The following ALDH7A1 variants were observed in gnomAD, a reference collection of about 807,000 sequenced individuals.
ALDH7A1 encodes the protein aldehyde dehydrogenase 7 family member A1.
ALDH7A1 carries 63 observed loss-of-function variants against 79.9 expected under a neutral mutation model. The observed-to-expected ratio is 0.79, with a 90% CI of 0.64 to 0.97. The LOEUF (loss-of-function observed/expected upper bound fraction) is 0.97, where lower values mean the gene tolerates loss of function less well. ALDH7A1 is among the 50% of genes least tolerant of loss of function. The pLI is 0.00. For missense variants in ALDH7A1, 627 were observed against 665.2 expected, an observed-to-expected ratio of 0.94 and a Z score of 0.63; for synonymous variants, 240 against 231.2, an observed-to-expected ratio of 1.04 and a Z score of -0.34.
chr5:126,585,488 T>C (rs11952752), intron 3 of ALDH7A1, among the ~76,000 whole-genome samples: 2,144 of 152,316 alleles, frequency 0.014, 42 homozygotes, highest in African/African-American at 0.041. Flanking sequence ...AGTGTATCAC[T>C]GTCTCTTAGT....
At chr5:126,552,240 G>C in intron 13 of ALDH7A1, 103 bp from the exon 14 acceptor site, 1 of 804,384 alleles carries the variant, frequency 1.2e-6, no homozygotes, top group South Asian at 1.5e-5. Flanking sequence ...AAAAAAATTA[G>C]CATCATTTAT....
At position 126,555,931 on chromosome 5, in the gene ALDH7A1, G is replaced by C; in HGVS notation, c.1093C>G (p.Pro365Ala). The change falls in exon 12 of 18, where the codon CCT (proline) becomes GCT (alanine). Residue 365 changes from proline to alanine, a missense_variant and splice_region_variant. Transcript: ENST00000409134. The part of the protein sequence containing the change: ...AQIRVGNPWD[P>A]NVLYGPLHTK... ...TTTGAAAGCAGAAGGAGATACTCAC[G>C]GTCCCATGGGTTCCCAACTCGGATC... is the stretch of plus-strand genomic sequence containing the variant. 1 of 1,610,230 alleles carries C rather than the reference G, an allele frequency of 6.2e-7. No homozygotes were observed. Among genetic ancestry groups the C allele is most frequent in the Non-Finnish European group, 8.5e-7 (1 of 1,176,758 alleles).
intron 6 of ALDH7A1, among the ~76,000 whole-genome samples, chr5:126,575,867 A>C (rs1750946659): frequency 6.6e-6 from 1 of 152,240 alleles, no homozygotes; most frequent in South Asian, 2.1e-4. Flanking sequence ...GTTGGAAAAC[A>C]TGAGTTCCTT....
At chr5:126,568,715 G>T in intron 8 of ALDH7A1, 1 of 304,722 alleles carries the variant, frequency 3.3e-6, no homozygotes, top group South Asian at 3.3e-5. Context: ...TTCCTTTAAG[G>T]ATTAAAACTT....
At chr5:126,545,419 C>T (rs1310264758) in intron 17 of ALDH7A1, among the ~76,000 whole-genome samples, 1 of 151,798 alleles carries the variant, frequency 6.6e-6, no homozygotes, top group African/African-American at 2.4e-5. Flanking sequence ...TGCACCACCA[C>T]GCCTGGCTAA....
At chr5:126,574,229 T>C (rs1750885630) in intron 7 of ALDH7A1, among the ~76,000 whole-genome samples, 1 of 150,520 alleles carries the variant, frequency 6.6e-6, no homozygotes, top group African/African-American at 2.5e-5. Context: ...TGAAACCCCA[T>C]CTCTACTAAA....
chr5:126,578,067 C>T (rs1003747116), intron 5 of ALDH7A1, among the ~76,000 whole-genome samples: 13 of 149,986 alleles, frequency 8.7e-5, no homozygotes, highest in African/African-American at 2.9e-4. Context: ...GGTGGACTCC[C>T]GACTTGAGGT....
In ALDH7A1 at chr5:126,542,562, G is replaced by A. The variant is rs1749641179; in HGVS notation, c.*2403C>T. On this transcript the variant is annotated 3_prime_UTR_variant, in exon 18 of 18. Coordinates refer to ENST00000409134, the MANE Select transcript of ALDH7A1 (RefSeq NM_001182.5). ...CACCTGTAGTCCCAGCTACTGGGGA[G>A]CATGAGGTGGAAGGATAGATTGAGC... is the stretch of plus-strand genomic sequence containing the variant. 1.3e-5 allele frequency: 2 copies of A among 152,282 alleles called. No individual in the cohort carries two copies. The highest frequency in any genetic ancestry group is 2.9e-5 in the Non-Finnish European group (2 of 68,142). The allele number at this position is 152,282 out of a possible 1,614,324, so 9.4% of individuals were successfully genotyped here.
intron 1 of ALDH7A1, chr5:126,594,162 G>A (rs559141820): frequency 4.3e-6 from 2 of 469,768 alleles, no homozygotes; most frequent in African/African-American, 4.0e-5. Context: ...TATCAGGCGC[G>A]GTGTTAAGCC....
intron 7 of ALDH7A1, among the ~76,000 whole-genome samples, chr5:126,574,261 G>A (rs1476849872): frequency 3.3e-5 from 5 of 151,918 alleles, no homozygotes; most frequent in Admixed American, 3.3e-4. Context: ...TTAGCCAGGC[G>A]TGGTGGCACA....
At chr5:126,578,068 G>A (rs758050071) in intron 5 of ALDH7A1, among the ~76,000 whole-genome samples, 2 of 149,506 alleles carry the variant, frequency 1.3e-5, no homozygotes, top group African/African-American at 2.5e-5. Flanking sequence ...GTGGACTCCC[G>A]ACTTGAGGTC....
At chr5:126,550,354 CATT>C in intron 14 of ALDH7A1, 61 bp from the exon 15 acceptor site, 1 of 1,234,278 alleles carries the variant, frequency 8.1e-7, no homozygotes, top group East Asian at 2.3e-5. Context: ...AGTTCACTGA[CATT>C]AAACTCATTT....
chr5:126,569,530 C>T (rs1750707581), intron 8 of ALDH7A1: 1 of 152,222 alleles, frequency 6.6e-6, no homozygotes, highest in South Asian at 2.1e-4. Flanking sequence ...GACGGCTTGG[C>T]TCAATTGCCT....
intron 5 of ALDH7A1, chr5:126,582,272 ATT>A (rs1751203843): frequency 2.5e-6 from 1 of 394,648 alleles, no homozygotes; most frequent in Non-Finnish European, 4.5e-6. Flanking sequence ...TTGCTTTCTT[ATT>A]TTCTGATATG....
In ALDH7A1 at chr5:126,542,745, A is replaced by G. The variant is rs1473202900; in HGVS notation, c.*2220T>C. 6.6e-6 allele frequency: 1 copy of G among 152,214 alleles called. No individual in the cohort carries two copies. The highest frequency in any genetic ancestry group is 6.5e-5 in the Admixed American group (1 of 15,278). 9.4% of individuals were successfully genotyped at this position (152,214 alleles called of 1,614,324 possible). A position where few individuals can be genotyped will look rare whatever the true frequency, so the allele number is the denominator to read the frequency against. On this transcript the variant is annotated 3_prime_UTR_variant, in exon 18 of 18. Coordinates refer to ENST00000409134, the MANE Select transcript of ALDH7A1 (RefSeq NM_001182.5). Reference sequence around the variant, plus strand: ...CCCTGAAAGAGAAAGTAGGAAGCAGAGTACATAATAGCACTCAATTTCCTT... The same window carrying G: ...CCCTGAAAGAGAAAGTAGGAAGCAGGGTACATAATAGCACTCAATTTCCTT...
intron 3 of ALDH7A1, among the ~76,000 whole-genome samples, chr5:126,585,276 T>G (rs988935021): frequency 3.9e-5 from 6 of 152,242 alleles, no homozygotes; most frequent in African/African-American, 1.2e-4. Context: ...CCGGCCTGGA[T>G]GACAAGAGTG....
chr5:126,571,733 G>A (rs1750786393), intron 7 of ALDH7A1, among the ~76,000 whole-genome samples: 1 of 151,924 alleles, frequency 6.6e-6, no homozygotes, highest in Non-Finnish European at 1.5e-5. Context: ...GAAATTAGAG[G>A]TAGTCACCAC....
chr5:126,566,659 A>C (rs562847880), intron 9 of ALDH7A1, among the ~76,000 whole-genome samples: 3 of 152,296 alleles, frequency 2.0e-5, no homozygotes, highest in Non-Finnish European at 4.4e-5. Context: ...ATGTCTATAC[A>C]ACCCTTTTCA....
At chr5:126,563,689 C>T (rs1016538666) in intron 9 of ALDH7A1, among the ~76,000 whole-genome samples, 2 of 152,142 alleles carry the variant, frequency 1.3e-5, no homozygotes, top group African/African-American at 2.4e-5. Flanking sequence ...CGGGGTTTTG[C>T]CATATTGGCC....
Sources: gnomAD v4.1 joint callset for allele counts (sites outside exome capture counted in the v4.1 genomes callset) on GRCh38, gnomAD v4.1.1 for gene constraint, MANE v1.5 for transcripts, NCBI Gene and HGNC (gene_info 2026-07-23, HGNC 2026-07-21) for gene names.